The following RNH1 variants were observed in gnomAD, a reference collection of about 807,000 sequenced individuals.
The protein encoded by RNH1 is ribonuclease/angiogenin inhibitor 1.
In RNH1, 38 loss-of-function variants were observed where a neutral mutation model predicts 46.1. The ratio of observed to expected loss-of-function variants is 0.82; its 90% CI spans 0.64 to 1.08. RNH1 has a LOEUF of 1.08. Ranked by LOEUF, RNH1 falls within the 50% of genes least tolerant of loss-of-function variation. The pLI is 0.00. For missense variants in RNH1, 577 were observed against 590.7 expected (o/e 0.98, Z 0.24); for synonymous variants, 319 against 279.1 (o/e 1.14, Z -1.43).
Position 495,733 on chromosome 11 carries a change from G to A in RNH1, c.1128-680C>T, listed in dbSNP as rs7933587. ...ACACCCACAAGGTCCTGGCAGCCAG[G>A]ATGGTGTCCCCTGGCAGGGAACTGA... is the stretch of plus-strand genomic sequence containing the variant. On this transcript the variant is annotated intron_variant, in intron 9 of 10. Transcript: ENST00000354420. Among the ~76,000 whole-genome samples the A allele has an allele frequency of 3.5e-3, 527 of 152,296 alleles. 4 individuals carry two copies. Among genetic ancestry groups the A allele is most frequent in the African/African-American group, 0.012 (501 of 41,554 alleles).
chr11:500,225 T>TC (rs71462089), intron 4 of RNH1: 47,714 of 657,144 alleles, frequency 0.073, 2,294 homozygotes, highest in Admixed American at 0.16. Flanking sequence ...TCAGTGGGGG[T>TC]CTGTGGTGAT....
At chr11:499,508 A>C (rs1489090982) in intron 5 of RNH1, 1 of 695,274 alleles carries the variant, frequency 1.4e-6, no homozygotes. Context: ...CGGGTCCCCC[A>C]CACACACTGA....
chr11:498,822 C>G lies in RNH1; in HGVS notation c.726G>C (p.Val242=). ...LALGSNKLGD[V]GMAELCPGLL... ...GCCCTGGGCACAGCTCCGCCATGCCCACATCACCCAGCTTGTTGCTGCCCA... is the reference window on the plus strand; with the variant it reads ...GCCCTGGGCACAGCTCCGCCATGCCGACATCACCCAGCTTGTTGCTGCCCA... Residue 242 remains valine (V), a synonymous_variant, in exon 7 of 11, where the codon GTG becomes GTC. Transcript: ENST00000354420. The G allele has an allele frequency of 2.5e-6, 4 of 1,609,896 alleles. No individual in the cohort carries two copies. The highest frequency in any genetic ancestry group is 3.4e-6 in the Non-Finnish European group (4 of 1,179,664).
Position 500,546 on chromosome 11 carries a change from A to G in RNH1, c.210T>C (p.Asp70=), listed in dbSNP as rs1276013664. The G allele has an allele frequency of 1.2e-6, 2 of 1,610,866 alleles. No individual in the cohort carries two copies. Among genetic ancestry groups the G allele is most frequent in the Admixed American group, 3.3e-5 (2 of 60,002 alleles). The part of the protein sequence containing the change: ...ELNLRSNELG[D]VGVHCVLQGL... ...CCTGGAGCACGCAATGCACGCCGACATCGCCCAGCTCGTTGCTGCGCAGGT... is the reference window on the plus strand; with the variant it reads ...CCTGGAGCACGCAATGCACGCCGACGTCGCCCAGCTCGTTGCTGCGCAGGT... Residue 70 remains aspartate, a synonymous_variant, in exon 4 of 11, where the codon GAT becomes GAC. Transcript: ENST00000354420.
rs777422128 is a variant in RNH1, at chr11:498,151, C to G, written c.957-10G>C. ...GCTGCAGGACTTCACCCTGTGGACA[C>G]AGACAGGACTGACGCCTGGCAGGGG... is the stretch of plus-strand genomic sequence containing the variant. On this transcript the variant is annotated splice_polypyrimidine_tract_variant and intron_variant, in intron 8 of 10. Coordinates refer to ENST00000354420, the MANE Select transcript of RNH1 (RefSeq NM_203387.3). 6.2e-7 allele frequency: 1 copy of G among 1,609,872 alleles called. No individual in the cohort carries two copies. Among genetic ancestry groups the G allele is most frequent in the South Asian group, 1.1e-5 (1 of 90,700 alleles).
At chr11:496,559 C>T (rs765245468) in intron 9 of RNH1, among the ~76,000 whole-genome samples, 16 of 152,190 alleles carry the variant, frequency 1.1e-4, no homozygotes, top group Non-Finnish European at 2.1e-4. Flanking sequence ...GTCCCAGCTA[C>T]TCGGGAGGTT....
At chr11:497,876 G>A (rs570259885) in intron 9 of RNH1, 95 bp downstream of exon 9, 34 of 1,441,714 alleles carry the variant, frequency 2.4e-5, no homozygotes, top group African/African-American at 5.6e-5. Context: ...ACGGACACTC[G>A]TGCTCACACA....
chr11:498,985 C>T (rs780361190), intron 6 of RNH1, 30 bp downstream of exon 6: 3 of 1,611,720 alleles, frequency 1.9e-6, no homozygotes, highest in Admixed American at 3.3e-5. Flanking sequence ...CTAGCCCACA[C>T]CCCGCACCCC....
intron 4 of RNH1, 160 bp downstream of exon 4, chr11:500,324 G>T: frequency 3.4e-6 from 3 of 891,624 alleles, no homozygotes; most frequent in Middle Eastern, 3.5e-4. Flanking sequence ...CCCGCTGTGA[G>T]ACCGCCAGGC....
intron 9 of RNH1, among the ~76,000 whole-genome samples, chr11:495,689 G>T (rs538051070): frequency 6.6e-6 from 1 of 152,306 alleles, no homozygotes; most frequent in Non-Finnish European, 1.5e-5. Context: ...AGGACCCAAG[G>T]TTCCTCTCCA....
Position 499,089 on chromosome 11 carries a change from G to A in RNH1, c.540C>T (p.Asn180=), listed in dbSNP as rs147633340. Residue 180 remains asparagine, a synonymous_variant, in exon 6 of 11, where the codon AAC becomes AAT. Coordinates refer to ENST00000354420, the MANE Select transcript of RNH1 (RefSeq NM_203387.3). The part of the protein sequence containing the change: ...PDFKELTVSN[N]DINEAGVRVL... Reference sequence around the variant, plus strand: ...CACGGACGCCAGCCTCATTGATGTCGTTGTTGCTAACCGTGAGCTCCTTGA... The same window carrying A: ...CACGGACGCCAGCCTCATTGATGTCATTGTTGCTAACCGTGAGCTCCTTGA... 143 of 1,613,492 alleles carry A rather than the reference G, an allele frequency of 8.9e-5. No individual in the cohort carries two copies. The highest frequency in any genetic ancestry group is 2.9e-4 in the South Asian group (26 of 91,082).
Position 498,830 on chromosome 11 carries a change from C to G in RNH1, c.718G>C (p.Gly240Arg), listed in dbSNP as rs1236457333. The change falls in exon 7 of 11, where the codon GGT becomes CGT. Residue 240 changes from glycine to arginine, a missense_variant. Coordinates refer to ENST00000354420, the MANE Select transcript of RNH1 (RefSeq NM_203387.3). ...CACAGCTCCGCCATGCCCACATCAC[C>G]CAGCTTGTTGCTGCCCAGGGCCAGC... Reference protein sequence around the residue: ...RELALGSNKLGDVGMAELCPG... With the variant: ...RELALGSNKLRDVGMAELCPG... 1.1e-5 allele frequency: 17 copies of G among 1,610,446 alleles called. No homozygotes were observed. The highest frequency in any genetic ancestry group is 1.4e-5 in the Non-Finnish European group (16 of 1,179,682).
At chr11:497,942 G>A (rs1192376649) in intron 9 of RNH1, 29 bp downstream of exon 9, 2 of 1,600,680 alleles carry the variant, frequency 1.2e-6, no homozygotes, top group Admixed American at 1.7e-5. Context: ...TCTCCCAAAT[G>A]TGCATACTCG....
At position 499,821 on chromosome 11, in the gene RNH1, A is replaced by G. The variant is rs772691856; in HGVS notation, c.443+8T>C. 2 of 1,603,740 alleles carry G rather than the reference A, an allele frequency of 1.2e-6. No homozygotes were observed. Among genetic ancestry groups the G allele is most frequent in the Non-Finnish European group, 1.7e-6 (2 of 1,174,630 alleles). ...CAGCATGGGCCCTGGGGCAGGACACAAACTCACTGCAGCTTTTCCAGGCGG... is the reference window on the plus strand; with the variant it reads ...CAGCATGGGCCCTGGGGCAGGACACGAACTCACTGCAGCTTTTCCAGGCGG... On this transcript the variant is annotated splice_region_variant and intron_variant, in intron 5 of 10. Transcript: ENST00000354420.
intron 9 of RNH1, among the ~76,000 whole-genome samples, chr11:496,326 T>C (rs1188636626): frequency 1.3e-5 from 2 of 152,184 alleles, no homozygotes; most frequent in African/African-American, 4.8e-5. Context: ...TTGAGGTCAA[T>C]AGTTCAAGAC....
chr11:500,531 G>A lies in RNH1; in HGVS notation c.225C>T (p.Cys75=), dbSNP rs371631903. ...AGGGGGTCTGCAGGCCCTGGAGCACGCAATGCACGCCGACATCGCCCAGCT... is the reference window on the plus strand; with the variant it reads ...AGGGGGTCTGCAGGCCCTGGAGCACACAATGCACGCCGACATCGCCCAGCT... ...SNELGDVGVH[C]VLQGLQTPSC... Residue 75 remains cysteine, a synonymous_variant, in exon 4 of 11, where the codon TGC becomes TGT. Coordinates refer to ENST00000354420, the MANE Select transcript of RNH1 (RefSeq NM_203387.3). 96 of 1,610,188 alleles carry A rather than the reference G, an allele frequency of 6.0e-5. No homozygotes were observed. The highest frequency in any genetic ancestry group is 2.4e-4 in the African/African-American group (18 of 74,936).
In RNH1 at chr11:502,001, G is replaced by A; in HGVS notation, c.101+61C>T. On this transcript the variant is annotated intron_variant, in intron 3 of 10. Transcript: ENST00000354420. The surrounding 1 kb of genome is among the most constrained non-coding windows in gnomAD (Gnocchi z 5.8). ...TCCAGAGCAATGCACCCTTCAGAGG[G>A]AGCCGCCACCCGCCAGCCTGCCCCA... 1.7e-6 allele frequency: 2 copies of A among 1,178,706 alleles called. No homozygotes were observed. Among genetic ancestry groups the A allele is most frequent in the South Asian group, 2.6e-5 (2 of 78,308 alleles). 73.0% of individuals were successfully genotyped at this position (1,178,706 alleles called of 1,614,324 possible).
intron 2 of RNH1, chr11:503,168 A>C (rs1021927839): frequency 2.1e-3 from 7 of 3,284 alleles, no homozygotes; most frequent in Non-Finnish European, 3.0e-3. Context: ...CAATGCGGGG[A>C]GGGGTGGGTG....
At chr11:497,745 GCTCA>G (rs71462088) in intron 9 of RNH1, among the ~76,000 whole-genome samples, 13,851 of 148,352 alleles carry the variant, frequency 0.093, 771 homozygotes, top group Admixed American at 0.17. Flanking sequence ...GGACCCTCGT[GCTCA>G]CTCACGTGCT....
Sources: allele counts gnomAD v4.1 joint callset (sites outside exome capture counted in the v4.1 genomes callset), GRCh38; gene constraint gnomAD v4.1.1; non-coding constraint Gnocchi (gnomAD v3.1); transcripts MANE v1.5; gene names NCBI Gene and HGNC (gene_info 2026-07-23, HGNC 2026-07-21).